Variants in CNTNAP2 observed in about 807,000 individuals in gnomAD.
The protein encoded by CNTNAP2 is contactin-associated protein-like 2.
CNTNAP2 carries 98 observed loss-of-function variants against 155.2 expected under a neutral mutation model. The observed-to-expected ratio is 0.63, with a 90% CI of 0.54 to 0.75. CNTNAP2 has a LOEUF of 0.75. Among genes scored for constraint, CNTNAP2 ranks in the 30% least tolerant of loss-of-function variants. CNTNAP2 has a pLI of 0.00. For synonymous variants in CNTNAP2, 651 were observed against 631.2 expected (o/e 1.03, Z -0.47); for missense variants, 1,727 against 1,688.1 (o/e 1.02, Z -0.40).
intron 8 of CNTNAP2, among the ~76,000 whole-genome samples, chr7:147,139,765 CT>C (rs1237288597): frequency 1.3e-5 from 2 of 152,100 alleles, no homozygotes; most frequent in East Asian, 3.8e-4. Context: ...GAAAGAATGA[CT>C]CCTTTGGAAA....
At chr7:147,349,409 A>G (rs1795932138) in intron 9 of CNTNAP2, among the ~76,000 whole-genome samples, 1 of 151,984 alleles carries the variant, frequency 6.6e-6, no homozygotes, top group African/African-American at 2.4e-5. Context: ...TATACTTTTC[A>G]TAAGTTAAAC....
At chr7:146,560,247 C>A (rs747087915) in intron 1 of CNTNAP2, among the ~76,000 whole-genome samples, 7 of 151,876 alleles carry the variant, frequency 4.6e-5, no homozygotes, top group Non-Finnish European at 7.4e-5. Context: ...TTGATGGGTT[C>A]TTTTTAATGC....
At chr7:148,067,231 A>G (rs1803285133) in intron 15 of CNTNAP2, among the ~76,000 whole-genome samples, 1 of 152,162 alleles carries the variant, frequency 6.6e-6, no homozygotes, top group South Asian at 2.1e-4. Context: ...TGGGTAGACC[A>G]TTTCAGAGGA....
chr7:146,890,648 T>C (rs921974564), intron 3 of CNTNAP2, among the ~76,000 whole-genome samples: 6 of 152,188 alleles, frequency 3.9e-5, no homozygotes, highest in Non-Finnish European at 8.8e-5. Flanking sequence ...TTATTAAAAA[T>C]AAGTTAAATA....
At chr7:146,739,993 A>G (rs1339631929) in intron 1 of CNTNAP2, among the ~76,000 whole-genome samples, 1 of 152,042 alleles carries the variant, frequency 6.6e-6, no homozygotes. Context: ...TGCATGGAAT[A>G]TATTTTTCTA....
intron 11 of CNTNAP2, among the ~76,000 whole-genome samples, chr7:147,530,335 G>T (rs139051221): frequency 6.6e-6 from 1 of 151,884 alleles, no homozygotes; most frequent in Non-Finnish European, 1.5e-5. Flanking sequence ...GTGTGCCTCC[G>T]TGCCTGGCTA....
rs375295945 is a variant in CNTNAP2, at chr7:146,625,989, A to G, written c.98-148282A>G. On this transcript the variant is annotated intron_variant, in intron 1 of 23. Coordinates refer to ENST00000361727, the MANE Select transcript of CNTNAP2 (RefSeq NM_014141.6). Reference sequence around the variant, plus strand: ...CAGAGGTTATTTATCTTCATACACTAGTTTGGAAATGGATGAATCATTTCT... The same window carrying G: ...CAGAGGTTATTTATCTTCATACACTGGTTTGGAAATGGATGAATCATTTCT... Among the ~76,000 whole-genome samples the G allele has an allele frequency of 9.2e-5, 14 of 152,192 alleles. No individual in the cohort carries two copies. The East Asian group carries it at 2.3e-3, about 25-fold the overall frequency.
At chr7:146,952,695 A>G (rs775552283) in intron 3 of CNTNAP2, among the ~76,000 whole-genome samples, 6 of 152,146 alleles carry the variant, frequency 3.9e-5, no homozygotes, top group Non-Finnish European at 8.8e-5. Context: ...CACAGAAAAT[A>G]AAATACCTAA....
intron 21 of CNTNAP2, among the ~76,000 whole-genome samples, chr7:148,314,685 G>A (rs1487154371): frequency 2.6e-5 from 4 of 151,590 alleles, no homozygotes; most frequent in Non-Finnish European, 2.9e-5. Context: ...CAGAAAAGCA[G>A]AGAAGGGGTA....
chr7:146,615,920 A>C (rs571217153), intron 1 of CNTNAP2, among the ~76,000 whole-genome samples: 1 of 152,286 alleles, frequency 6.6e-6, no homozygotes, highest in South Asian at 2.1e-4. Flanking sequence ...CCCTTGGAAC[A>C]TCTCTCCCCA....
intron 2 of CNTNAP2, among the ~76,000 whole-genome samples, chr7:146,823,268 T>C (rs1406967430): frequency 6.7e-6 from 1 of 149,806 alleles, no homozygotes; most frequent in African/African-American, 2.4e-5. Context: ...CATTCTTCAG[T>C]ATAATTACAT....
intron 13 of CNTNAP2, among the ~76,000 whole-genome samples, chr7:147,720,633 T>C (rs965291202): frequency 6.6e-6 from 1 of 152,056 alleles, no homozygotes; most frequent in African/African-American, 2.4e-5. Context: ...CCCATGCTGT[T>C]CTCACGATAG....
At chr7:147,259,674 G>T (rs1804412859) in intron 8 of CNTNAP2, among the ~76,000 whole-genome samples, 1 of 152,072 alleles carries the variant, frequency 6.6e-6, no homozygotes, top group Admixed American at 6.6e-5. Context: ...TCTTAAAAAG[G>T]TTTCAGTGAA....
chr7:146,475,013 GCACACA>G (rs60787049), intron 1 of CNTNAP2, among the ~76,000 whole-genome samples: 82 of 144,380 alleles, frequency 5.7e-4, no homozygotes, highest in African/African-American at 1.4e-3. Flanking sequence ...GCGCGCGCGC[GCACACA>G]CACACACACA....
At chr7:147,011,444 A>AAAAAAAAAAAAAAAAAAAG (rs1554424732) in intron 3 of CNTNAP2, among the ~76,000 whole-genome samples, 1 of 127,710 alleles carries the variant, frequency 7.8e-6, no homozygotes, top group Non-Finnish European at 1.7e-5. Flanking sequence ...AAAAAAAAAA[A>AAAAAAAAAAAAAAAAAAAG]GGAACAAGGT....
At chr7:147,250,529 C>A (rs191158791) in intron 8 of CNTNAP2, among the ~76,000 whole-genome samples, 1 of 152,154 alleles carries the variant, frequency 6.6e-6, no homozygotes, top group Admixed American at 6.5e-5. Context: ...CCCTTATCCA[C>A]TAAGCACCCC....
intron 11 of CNTNAP2, among the ~76,000 whole-genome samples, chr7:147,523,859 G>A (rs956688475): frequency 4.6e-5 from 7 of 152,120 alleles, no homozygotes; most frequent in African/African-American, 1.2e-4. Context: ...TTTCATTCAC[G>A]TTACCTGCAG....
chr7:147,801,930 C>T (rs1295133064), intron 13 of CNTNAP2, among the ~76,000 whole-genome samples: 29 of 149,886 alleles, frequency 1.9e-4, no homozygotes, highest in African/African-American at 3.9e-4. Context: ...ACCTCCTGGA[C>T]GGGGCGGCTG....
chr7:146,233,051 G>C (rs895246285), intron 1 of CNTNAP2, among the ~76,000 whole-genome samples: 1 of 152,088 alleles, frequency 6.6e-6, no homozygotes. Flanking sequence ...CTACATGTTA[G>C]AGTATACAAT....
Sources: gnomAD v4.1 joint callset for allele counts (sites outside exome capture counted in the v4.1 genomes callset) on GRCh38, gnomAD v4.1.1 for gene constraint, MANE v1.5 for transcripts, NCBI Gene and HGNC (gene_info 2026-07-23, HGNC 2026-07-21) for gene names.